Variants in SCRG1 observed in about 807,000 individuals in gnomAD.
SCRG1 encodes the protein scrapie-responsive protein 1.
In SCRG1, 3 loss-of-function variants were observed where a neutral mutation model predicts 7.7. The ratio of observed to expected loss-of-function variants is 0.39; its 90% CI spans 0.18 to 1.01. SCRG1 has a LOEUF of 1.01. SCRG1 is among the 50% of genes least tolerant of loss of function. The probability of loss-of-function intolerance (pLI) is 0.36; values close to 1 mark genes in which losing one functional copy is unlikely to be tolerated. For synonymous variants in SCRG1, 46 were observed against 41.2 expected, an observed-to-expected ratio of 1.12 and a Z score of -0.44; for missense variants, 110 against 117.2, an observed-to-expected ratio of 0.94 and a Z score of 0.28.
At chr4:173,470,309 C>T in the SCRG1 span, among the ~76,000 whole-genome samples, 2 of 152,018 alleles carry the variant, frequency 1.3e-5, no homozygotes, top group African/African-American at 4.8e-5. Flanking sequence ...CTATTTTGTG[C>T]AACCCACCAT....
the SCRG1 span, among the ~76,000 whole-genome samples, chr4:173,429,382 TC>T: frequency 1.3e-5 from 2 of 152,146 alleles, no homozygotes; most frequent in East Asian, 3.9e-4. Context: ...ACTTTCAAAC[TC>T]TTGGGCTCAA....
chr4:173,455,072 A>T, the SCRG1 span, among the ~76,000 whole-genome samples: 6 of 151,960 alleles, frequency 3.9e-5, no homozygotes, highest in Non-Finnish European at 7.4e-5. Context: ...ATGAAGTGAC[A>T]CCTTAAATGT....
rs1739225948 is a variant in SCRG1 at position 173,385,659 on chromosome 4, T to C, written c.*2682A>G. 1 of 151,696 alleles carries C rather than the reference T, an allele frequency of 6.6e-6. No homozygotes were observed. The highest frequency in any genetic ancestry group is 2.4e-5 in the African/African-American group (1 of 41,028). 9.4% of individuals were successfully genotyped at this position (151,696 alleles called of 1,614,324 possible). A position where few individuals can be genotyped will look rare whatever the true frequency, so the allele number is the denominator to read the frequency against. Reference sequence around the variant, plus strand: ...TCATATTTTCAGAAAGACATTATGATGAATAATTTATAAAATTTTATTTAT... The same window carrying C: ...TCATATTTTCAGAAAGACATTATGACGAATAATTTATAAAATTTTATTTAT... On this transcript the variant is annotated 3_prime_UTR_variant, in exon 3 of 3. Coordinates refer to ENST00000296506, the MANE Select transcript of SCRG1 (RefSeq NM_007281.4).
chr4:173,467,181 C>T, the SCRG1 span, among the ~76,000 whole-genome samples: 1 of 152,014 alleles, frequency 6.6e-6, no homozygotes, highest in Non-Finnish European at 1.5e-5. Flanking sequence ...CTTAATGTAT[C>T]ATGTTAATTC....
chr4:173,455,681 A>G, the SCRG1 span, among the ~76,000 whole-genome samples: 9 of 152,200 alleles, frequency 5.9e-5, no homozygotes, highest in Non-Finnish European at 1.0e-4. Flanking sequence ...CATCTGTCAC[A>G]TGTGAAAAAA....
intron 2 of SCRG1, among the ~76,000 whole-genome samples, chr4:173,390,602 A>C (rs2126913891): frequency 6.6e-6 from 1 of 151,906 alleles, no homozygotes; most frequent in East Asian, 1.9e-4. Context: ...CTTCCTGAGT[A>C]GCTGGGATTA....
the SCRG1 span, among the ~76,000 whole-genome samples, chr4:173,487,717 C>CT: frequency 6.6e-6 from 1 of 151,692 alleles, no homozygotes; most frequent in Non-Finnish European, 1.5e-5. Flanking sequence ...CATATTTGGG[C>CT]TTTTTTTAAA....
the SCRG1 span, among the ~76,000 whole-genome samples, chr4:173,451,260 G>T: frequency 2.7e-5 from 4 of 149,242 alleles, no homozygotes; most frequent in Non-Finnish European, 4.4e-5. Flanking sequence ...TCTAGTATGA[G>T]GAATGCTTTG....
chr4:173,472,852 C>G, the SCRG1 span, among the ~76,000 whole-genome samples: 1 of 152,134 alleles, frequency 6.6e-6, no homozygotes, highest in Admixed American at 6.5e-5. Flanking sequence ...GTGGGGCAGT[C>G]AAGTTGACAC....
chr4:173,419,862 G>T, the SCRG1 span: 1 of 1,167,212 alleles, frequency 8.6e-7, no homozygotes, highest in Non-Finnish European at 1.3e-6. Flanking sequence ...CTGCGGGCCA[G>T]CAGCAGGCCA....
At chr4:173,490,475 G>A in the SCRG1 span, among the ~76,000 whole-genome samples, 2 of 152,104 alleles carry the variant, frequency 1.3e-5, no homozygotes, top group African/African-American at 2.4e-5. Flanking sequence ...GAAGCCACAG[G>A]CCACCAATTA....
At chr4:173,397,511 C>T (rs953257313) in intron 1 of SCRG1, among the ~76,000 whole-genome samples, 24 of 151,896 alleles carry the variant, frequency 1.6e-4, no homozygotes, top group Non-Finnish European at 3.4e-4. Context: ...TGTATGATAC[C>T]ATTTATATCC....
chr4:173,477,981 G>C, the SCRG1 span, among the ~76,000 whole-genome samples: 1 of 151,972 alleles, frequency 6.6e-6, no homozygotes. Flanking sequence ...TGCTGCCCAG[G>C]CTAGCCTTGA....
At chr4:173,517,935 G>GACCTAGACCTAGACCTCC in the SCRG1 span, among the ~76,000 whole-genome samples, 1 of 152,208 alleles carries the variant, frequency 6.6e-6, no homozygotes, top group East Asian at 1.9e-4. Flanking sequence ...CCCGGACCTC[G>GACCTAGACCTAGACCTCC]GGCCTAGCTT....
the SCRG1 span, among the ~76,000 whole-genome samples, chr4:173,498,641 A>C: frequency 6.6e-6 from 1 of 152,240 alleles, no homozygotes; most frequent in African/African-American, 2.4e-5. Flanking sequence ...ATGTTGATAC[A>C]TTACAGCATC....
chr4:173,447,526 G>A, the SCRG1 span, among the ~76,000 whole-genome samples: 1 of 152,178 alleles, frequency 6.6e-6, no homozygotes, highest in Admixed American at 6.5e-5. Flanking sequence ...TAATGAAACA[G>A]GAACGCAAAA....
At chr4:173,451,874 C>T in the SCRG1 span, among the ~76,000 whole-genome samples, 1 of 152,010 alleles carries the variant, frequency 6.6e-6, no homozygotes, top group Non-Finnish European at 1.5e-5. Context: ...ATACCCTTAA[C>T]CTCCACTATG....
At chr4:173,411,156 A>T (rs1445459408), upstream of SCRG1, among the ~76,000 whole-genome samples, 2 of 152,170 alleles carry the variant, frequency 1.3e-5, no homozygotes, top group African/African-American at 2.4e-5. Flanking sequence ...TTATTGTTTT[A>T]TGCATCCTCA....
At chr4:173,513,737 A>G in the SCRG1 span, among the ~76,000 whole-genome samples, 31 of 152,166 alleles carry the variant, frequency 2.0e-4, no homozygotes, top group Non-Finnish European at 7.3e-5. Context: ...CTCTCCCCCT[A>G]TCAGTGGAAC....
Sources: gnomAD v4.1 joint callset for allele counts (sites outside exome capture counted in the v4.1 genomes callset) on GRCh38, gnomAD v4.1.1 for gene constraint, MANE v1.5 for transcripts, NCBI Gene and HGNC (gene_info 2026-07-23, HGNC 2026-07-21) for gene names.